The following TFCP2 variants were observed in gnomAD, a reference collection of about 807,000 sequenced individuals.
TFCP2 encodes alpha-globin transcription factor CP2.
In TFCP2, 33 loss-of-function variants were observed where a neutral mutation model predicts 73.4. The observed-to-expected ratio is 0.45, with a 90% CI of 0.34 to 0.60. TFCP2 has a LOEUF of 0.60. Ranked by LOEUF, TFCP2 falls within the 20% of genes least tolerant of loss-of-function variation. The probability of loss-of-function intolerance (pLI) is 0.01; values close to 1 mark genes in which losing one functional copy is unlikely to be tolerated. For synonymous variants in TFCP2, 193 were observed against 211.6 expected (o/e 0.91, Z 0.76); for missense variants, 352 against 604.0 (o/e 0.58, Z 4.37).
At chr12:51,152,125 T>A (rs570264277) in intron 1 of TFCP2, among the ~76,000 whole-genome samples, 2 of 152,176 alleles carry the variant, frequency 1.3e-5, no homozygotes, top group African/African-American at 4.8e-5. Context: ...TGGAGAAAAC[T>A]GGACCCTACC....
chr12:51,151,021 T>A (rs1941411602), intron 1 of TFCP2, among the ~76,000 whole-genome samples: 1 of 152,114 alleles, frequency 6.6e-6, no homozygotes, highest in Admixed American at 6.6e-5. Flanking sequence ...GGGAGGAGGC[T>A]CTTGCTATTT....
At chr12:51,135,072 G>A (rs534051970) in intron 1 of TFCP2, among the ~76,000 whole-genome samples, 46 of 150,570 alleles carry the variant, frequency 3.1e-4, no homozygotes, top group African/African-American at 4.2e-4. Flanking sequence ...ACTGTGCCAC[G>A]GCATTCCAGC....
intron 13 of TFCP2, among the ~76,000 whole-genome samples, chr12:51,098,411 A>G (rs1331186711): frequency 6.6e-6 from 1 of 152,120 alleles, no homozygotes; most frequent in African/African-American, 2.4e-5. Context: ...GGATCACTTG[A>G]GGCCAGGAGT....
Position 51,103,733 on chromosome 12 carries a change from C to T in TFCP2, c.997G>A (p.Ala333Thr). Residue 333 changes from alanine to threonine, a missense_variant, in exon 10 of 15, where the codon GCT becomes ACT. By Grantham distance (58) the Ala-to-Thr change is moderately conservative. Coordinates refer to ENST00000257915, the MANE Select transcript of TFCP2 (RefSeq NM_005653.5). ...NLLPTTTPQE[A>T]QQWLHRNRFS... ...CGATTTCGATGCAACCACTGCTGAG[C>T]TTCCTGAGGTGTGGTTGTTGGTAAG... is the stretch of plus-strand genomic sequence containing the variant. 6.2e-7 allele frequency: 1 copy of T among 1,614,034 alleles called. No individual in the cohort carries two copies.
chr12:51,129,717 G>T (rs1236721674), intron 1 of TFCP2, among the ~76,000 whole-genome samples: 3 of 151,926 alleles, frequency 2.0e-5, no homozygotes, highest in Non-Finnish European at 4.4e-5. Flanking sequence ...TCAGTTCTAT[G>T]ATTTTATTAT....
chr12:51,158,080 C>T lies in TFCP2; in HGVS notation c.122+14221G>A, dbSNP rs141935994. 2.6e-3 allele frequency among the ~76,000 whole-genome samples: 391 copies of T among 152,230 alleles called. 1 individual carries two copies. The highest frequency in any genetic ancestry group is 3.0e-3 in the Non-Finnish European group (203 of 68,020). ...GATGTGGCACAATCATAGCTCACTG[C>T]AGCCTCAAACTCCTGGGCTCAAGCA... On this transcript the variant is annotated intron_variant, in intron 1 of 14. Coordinates refer to ENST00000257915, the MANE Select transcript of TFCP2 (RefSeq NM_005653.5).
chr12:51,136,923 C>A (rs375829516), intron 1 of TFCP2, among the ~76,000 whole-genome samples: 18 of 152,152 alleles, frequency 1.2e-4, no homozygotes, highest in Middle Eastern at 3.4e-3. Flanking sequence ...TCAGCCCGGA[C>A]GACAGAGGAG....
chr12:51,169,458 A>G (rs1007146770), intron 1 of TFCP2, among the ~76,000 whole-genome samples: 16 of 151,914 alleles, frequency 1.1e-4, no homozygotes, highest in Non-Finnish European at 1.9e-4. Flanking sequence ...CTAAGATCAC[A>G]CCACTGAATT....
intron 5 of TFCP2, 56 bp downstream of exon 5, chr12:51,110,821 A>C (rs961483293): frequency 2.5e-5 from 31 of 1,220,862 alleles, no homozygotes; most frequent in Non-Finnish European, 3.6e-5. Flanking sequence ...TTAAGAAATA[A>C]ACTGATAGTA....
chr12:51,134,571 C>T (rs1941020276), intron 1 of TFCP2, among the ~76,000 whole-genome samples: 1 of 152,132 alleles, frequency 6.6e-6, no homozygotes, highest in South Asian at 2.1e-4. Flanking sequence ...CAGGCATGAG[C>T]CACCCCGCCT....
At chr12:51,161,541 A>T (rs1024800698) in intron 1 of TFCP2, among the ~76,000 whole-genome samples, 1 of 151,732 alleles carries the variant, frequency 6.6e-6, no homozygotes, top group African/African-American at 2.4e-5. Context: ...TTAGCCGGGC[A>T]TGGTGGTGCA....
intron 5 of TFCP2, among the ~76,000 whole-genome samples, chr12:51,109,715 ATTT>A (rs10531546): frequency 0.11 from 15,454 of 135,214 alleles, 1,511 homozygotes; most frequent in African/African-American, 0.28. Flanking sequence ...AGATTGGTGA[ATTT>A]TTTTTTTTTT....
At chr12:51,121,485 T>A (rs1356879545) in intron 1 of TFCP2, among the ~76,000 whole-genome samples, 1 of 142,712 alleles carries the variant, frequency 7.0e-6, no homozygotes, top group East Asian at 2.1e-4. Flanking sequence ...TTTTTTTTTT[T>A]AAGACAGTCT....
chr12:51,170,502 T>C (rs1941839008), intron 1 of TFCP2, among the ~76,000 whole-genome samples: 1 of 151,924 alleles, frequency 6.6e-6, no homozygotes, highest in Non-Finnish European at 1.5e-5. Flanking sequence ...CCACCAGGCC[T>C]GGGTAATTTA....
At chr12:51,142,854 C>T (rs1191958881) in intron 1 of TFCP2, among the ~76,000 whole-genome samples, 2 of 152,134 alleles carry the variant, frequency 1.3e-5, no homozygotes, top group Non-Finnish European at 2.9e-5. Flanking sequence ...CACACCATGG[C>T]AAGTACTTGT....
At chr12:51,124,473 T>C (rs564067722) in intron 1 of TFCP2, among the ~76,000 whole-genome samples, 5 of 152,168 alleles carry the variant, frequency 3.3e-5, no homozygotes, top group Non-Finnish European at 5.9e-5. Flanking sequence ...TCCTTCACTT[T>C]AAGCCAATTA....
chr12:51,165,434 C>G (rs185341412), intron 1 of TFCP2, among the ~76,000 whole-genome samples: 1 of 150,040 alleles, frequency 6.7e-6, no homozygotes, highest in Non-Finnish European at 1.5e-5. Context: ...AATTCAATAC[C>G]CTTTTAAGAT....
At chr12:51,108,452 G>C (rs929646992) in intron 6 of TFCP2, among the ~76,000 whole-genome samples, 1 of 152,016 alleles carries the variant, frequency 6.6e-6, no homozygotes, top group South Asian at 2.1e-4. Flanking sequence ...CTTACAATGA[G>C]AACATATTTA....
intron 3 of TFCP2, 52 bp downstream of exon 3, chr12:51,117,619 C>T: frequency 7.0e-7 from 1 of 1,423,262 alleles, no homozygotes; most frequent in Non-Finnish European, 9.8e-7. Flanking sequence ...ATTTAAAATC[C>T]CAAAAGGATT....
Sources: allele counts gnomAD v4.1 joint callset (sites outside exome capture counted in the v4.1 genomes callset), GRCh38; gene constraint gnomAD v4.1.1; transcripts MANE v1.5; gene names NCBI Gene and HGNC (gene_info 2026-07-23, HGNC 2026-07-21).